The following NAALADL2 variants were observed in gnomAD, a reference collection of about 807,000 sequenced individuals.
NAALADL2 encodes the protein N-acetylated alpha-linked acidic dipeptidase like 2.
In NAALADL2, 76 loss-of-function variants were observed where a neutral mutation model predicts 87.2. The ratio of observed to expected loss-of-function variants is 0.87; its 90% CI spans 0.72 to 1.05. The LOEUF is 1.05. Ranked by LOEUF, NAALADL2 falls within the 50% of genes least tolerant of loss-of-function variation. The pLI is 0.00. For missense variants in NAALADL2, 1,089 were observed against 945.8 expected (o/e 1.15, Z -1.99); for synonymous variants, 354 against 331.0 (o/e 1.07, Z -0.75).
rs530412198 is a variant in NAALADL2 at position 175,636,275 on chromosome 3, A to G, written c.1896+8889A>G. 3.3e-5 allele frequency among the ~76,000 whole-genome samples: 5 copies of G among 152,248 alleles called. No individual in the cohort carries two copies. The South Asian group carries it at 1.0e-3, about 32-fold the overall frequency. ...ACCCTGAGAGTCACTCATTCTCAGT[A>G]TATCACCATAGACTGACACTACCAA... On this transcript the variant is annotated intron_variant, in intron 11 of 13. Coordinates refer to ENST00000454872, the MANE Select transcript of NAALADL2 (RefSeq NM_207015.3).
chr3:174,902,072 G>A (rs1482758357), intron 1 of NAALADL2, among the ~76,000 whole-genome samples: 2 of 152,106 alleles, frequency 1.3e-5, no homozygotes, highest in African/African-American at 2.4e-5. Flanking sequence ...CCTGATTGAG[G>A]TGGTCTGATG....
intron 5 of NAALADL2, among the ~76,000 whole-genome samples, chr3:175,396,018 T>C (rs1378716977): frequency 6.6e-6 from 1 of 152,178 alleles, no homozygotes. Flanking sequence ...TCTTGCTGTA[T>C]TCAATAAACA....
At chr3:175,480,994 A>G (rs547266582) in intron 9 of NAALADL2, among the ~76,000 whole-genome samples, 1 of 151,910 alleles carries the variant, frequency 6.6e-6, no homozygotes, top group East Asian at 1.9e-4. Context: ...AGAGAGAAAC[A>G]CTGAGAACAT....
intron 13 of NAALADL2, among the ~76,000 whole-genome samples, chr3:175,760,349 A>G (rs1357424425): frequency 6.6e-6 from 1 of 152,170 alleles, no homozygotes; most frequent in Non-Finnish European, 1.5e-5. Context: ...ACAGACTATT[A>G]AGCCTCACAG....
intron 10 of NAALADL2, among the ~76,000 whole-genome samples, chr3:175,604,584 G>T (rs9829289): frequency 6.6e-6 from 1 of 152,024 alleles, no homozygotes; most frequent in Admixed American, 6.6e-5. Context: ...GATTCCAGGC[G>T]TGAGGCACCA....
At chr3:175,591,816 A>G (rs1362061854) in intron 10 of NAALADL2, among the ~76,000 whole-genome samples, 6 of 139,308 alleles carry the variant, frequency 4.3e-5, no homozygotes, top group African/African-American at 8.3e-5. Context: ...ATATATATAT[A>G]TATATATATA....
intron 1 of NAALADL2, among the ~76,000 whole-genome samples, chr3:175,036,088 C>T (rs969996395): frequency 1.3e-5 from 2 of 152,106 alleles, no homozygotes; most frequent in African/African-American, 4.8e-5. Context: ...TTTTTTACTT[C>T]ATTTATGGTA....
At chr3:174,867,072 A>G (rs1727236552) in intron 1 of NAALADL2, among the ~76,000 whole-genome samples, 1 of 151,906 alleles carries the variant, frequency 6.6e-6, no homozygotes. Context: ...GTATGTAGGT[A>G]ATAGAATGTT....
At chr3:174,575,042 G>A (rs1014269815) in intron 2 of NAALADL2, among the ~76,000 whole-genome samples, 2 of 151,934 alleles carry the variant, frequency 1.3e-5, no homozygotes, top group South Asian at 2.1e-4. Context: ...AGAATGTAAT[G>A]GCTGTGTCAT....
chr3:175,176,551 A>T (rs906028245), intron 2 of NAALADL2, among the ~76,000 whole-genome samples: 2 of 152,122 alleles, frequency 1.3e-5, no homozygotes, highest in Admixed American at 1.3e-4. Flanking sequence ...AATATTGTAC[A>T]TGTGATTAAG....
At chr3:175,074,208 TA>T (rs1716174377) in intron 1 of NAALADL2, among the ~76,000 whole-genome samples, 1 of 152,124 alleles carries the variant, frequency 6.6e-6, no homozygotes, top group Non-Finnish European at 1.5e-5. Context: ...CAGGTATGAT[TA>T]GATTTTTTAG....
intron 3 of NAALADL2, among the ~76,000 whole-genome samples, chr3:174,783,464 C>T (rs576719961): frequency 2.6e-5 from 4 of 152,190 alleles, no homozygotes; most frequent in South Asian, 2.1e-4. Context: ...ATTCTAGCCA[C>T]GTTTGACCCT....
chr3:175,217,999 C>A, intron 2 of NAALADL2: 1 of 336,038 alleles, frequency 3.0e-6, no homozygotes, highest in Non-Finnish European at 6.0e-6. Context: ...ATTTAGCTGT[C>A]ATTAATGTAT....
At chr3:174,518,671 A>G (rs1234823525) in intron 1 of NAALADL2, among the ~76,000 whole-genome samples, 1 of 152,016 alleles carries the variant, frequency 6.6e-6, no homozygotes, top group Non-Finnish European at 1.5e-5. Flanking sequence ...TTTATATTCC[A>G]TGTTTTAGCC....
intron 2 of NAALADL2, among the ~76,000 whole-genome samples, chr3:175,119,336 A>G (rs530355509): frequency 3.1e-4 from 47 of 151,878 alleles, no homozygotes; most frequent in Admixed American, 5.9e-4. Context: ...GATAATAAAA[A>G]TTTGAATTAG....
intron 1 of NAALADL2, among the ~76,000 whole-genome samples, chr3:174,489,066 G>A (rs1046631899): frequency 6.6e-6 from 1 of 151,930 alleles, no homozygotes; most frequent in Non-Finnish European, 1.5e-5. Context: ...CTGGATATTG[G>A]TCAGCCATTT....
intron 1 of NAALADL2, among the ~76,000 whole-genome samples, chr3:174,920,404 TCTATG>T (rs1579528098): frequency 1.3e-5 from 2 of 152,184 alleles, no homozygotes; most frequent in East Asian, 1.9e-4. Flanking sequence ...ACCCTGTACT[TCTATG>T]TTATAGCGAT....
At chr3:174,994,551 T>C (rs572039732) in intron 1 of NAALADL2, among the ~76,000 whole-genome samples, 1 of 152,342 alleles carries the variant, frequency 6.6e-6, no homozygotes, top group South Asian at 2.1e-4. Context: ...TTCCAAATTT[T>C]ATTAGCATTG....
At chr3:174,697,398 G>A (rs1402288920) in intron 2 of NAALADL2, among the ~76,000 whole-genome samples, 1 of 152,186 alleles carries the variant, frequency 6.6e-6, no homozygotes, top group Non-Finnish European at 1.5e-5. Context: ...GATTGCAGAA[G>A]TGTAATATCC....
Sources: allele counts gnomAD v4.1 joint callset (sites outside exome capture counted in the v4.1 genomes callset), GRCh38; gene constraint gnomAD v4.1.1; transcripts MANE v1.5; gene names NCBI Gene and HGNC (gene_info 2026-07-23, HGNC 2026-07-21).